The following PGBD5 variants were observed in gnomAD, a reference collection of about 807,000 sequenced individuals.
The protein encoded by PGBD5 is piggyBac transposable element-derived protein 5.
A neutral mutation model predicts 47.9 loss-of-function variants in PGBD5; 14 were observed. The observed-to-expected ratio is 0.29, with a 90% CI of 0.19 to 0.46. The LOEUF is 0.46. Ranked by LOEUF, PGBD5 falls within the 20% of genes least tolerant of loss-of-function variation. The pLI, the probability that PGBD5 is intolerant of heterozygous loss-of-function variation, is 1.00. For synonymous variants in PGBD5, 316 were observed against 306.3 expected, an observed-to-expected ratio of 1.03 and a Z score of -0.33; for missense variants, 635 against 716.0, an observed-to-expected ratio of 0.89 and a Z score of 1.29.
intron 1 of PGBD5, among the ~76,000 whole-genome samples, chr1:230,424,004 C>T (rs116758039): frequency 4.3e-4 from 66 of 152,252 alleles, no homozygotes; most frequent in African/African-American, 1.6e-3. Flanking sequence ...GTGTGCTCAC[C>T]CTTCTCACAT....
chr1:230,416,701 G>A (rs1042116679), intron 1 of PGBD5, among the ~76,000 whole-genome samples: 1 of 152,240 alleles, frequency 6.6e-6, no homozygotes, highest in Non-Finnish European at 1.5e-5. Flanking sequence ...GCTACAAGGT[G>A]ACAATAGAGA....
At chr1:230,413,248 C>T (rs1205738368) in intron 1 of PGBD5, among the ~76,000 whole-genome samples, 1 of 152,132 alleles carries the variant, frequency 6.6e-6, no homozygotes, top group Non-Finnish European at 1.5e-5. Flanking sequence ...CAGGCACAGC[C>T]ATCCACACTC....
chr1:230,337,104 T>G lies in PGBD5; in HGVS notation c.1075+4A>C. 1 of 1,613,178 alleles carries G rather than the reference T, an allele frequency of 6.2e-7. No individual in the cohort carries two copies. The highest frequency in any genetic ancestry group is 8.5e-7 in the Non-Finnish European group (1 of 1,179,312). On this transcript the variant is annotated splice_donor_region_variant and intron_variant, in intron 4 of 6. Transcript: ENST00000391860. ...TATCCTCACTGGCTCCCCACTTGACTAACCTTGCTTCTCAAACTCTTCAAA... is the reference window on the plus strand; with the variant it reads ...TATCCTCACTGGCTCCCCACTTGACGAACCTTGCTTCTCAAACTCTTCAAA...
At chr1:230,402,412 T>C (rs904541524) in intron 1 of PGBD5, among the ~76,000 whole-genome samples, 2 of 152,214 alleles carry the variant, frequency 1.3e-5, no homozygotes, top group Non-Finnish European at 1.5e-5. Flanking sequence ...CTTTTAATGA[T>C]AGCAATAGCA....
In PGBD5 at chr1:230,315,906, ATATG is replaced by A. The variant is rs1666930715; in HGVS notation, c.*7515_*7518del. The A allele has an allele frequency of 6.7e-6, 1 of 149,874 alleles. No homozygotes were observed. The highest frequency in any genetic ancestry group is 2.5e-5 in the African/African-American group (1 of 40,738). The allele number at this position is 149,874 out of a possible 1,614,324, so 9.3% of individuals were successfully genotyped here. A position where few individuals can be genotyped will look rare whatever the true frequency, so the allele number is the denominator to read the frequency against. ...TACATACATATTTATGTGTACACAT[ATATG>A]TATATGTGTATATGTGTACACATAT... On this transcript the variant is annotated 3_prime_UTR_variant, in exon 7 of 7. Coordinates refer to ENST00000391860, the MANE Select transcript of PGBD5 (RefSeq NM_001258311.2).
intron 2 of PGBD5, among the ~76,000 whole-genome samples, chr1:230,356,542 G>T (rs1667648437): frequency 6.6e-6 from 1 of 152,136 alleles, no homozygotes; most frequent in African/African-American, 2.4e-5. Context: ...AACAGGTGAG[G>T]CCACACTCAG....
intron 3 of PGBD5, among the ~76,000 whole-genome samples, chr1:230,341,086 TGA>T (rs1667401525): frequency 1.3e-5 from 2 of 152,128 alleles, no homozygotes; most frequent in African/African-American, 2.4e-5. Flanking sequence ...GTGGCACCAA[TGA>T]GAGTCCAAAG....
intron 1 of PGBD5, among the ~76,000 whole-genome samples, chr1:230,364,273 T>TA (rs1453508407): frequency 6.6e-6 from 1 of 152,234 alleles, no homozygotes; most frequent in African/African-American, 2.4e-5. Context: ...TGAAATAACT[T>TA]ACACCTAATT....
intron 1 of PGBD5, among the ~76,000 whole-genome samples, chr1:230,375,652 CTTTTTTTTTTTTTTTT>C (rs199545872): frequency 9.5e-6 from 1 of 105,660 alleles, no homozygotes. Flanking sequence ...TCCTATTTGA[CTTTTTTTTTTTTTTTT>C]TTTTTTTTTT....
At chr1:230,393,802 G>A (rs1196554562) in intron 1 of PGBD5, among the ~76,000 whole-genome samples, 2 of 146,550 alleles carry the variant, frequency 1.4e-5, no homozygotes, top group East Asian at 2.0e-4. Flanking sequence ...TCCCGCCTGG[G>A]CGACAGAACG....
intron 1 of PGBD5, among the ~76,000 whole-genome samples, chr1:230,416,333 A>C (rs1170823873): frequency 6.6e-6 from 1 of 152,198 alleles, no homozygotes; most frequent in Non-Finnish European, 1.5e-5. Context: ...CAGCTTGTGA[A>C]CATTTTTTAC....
intron 1 of PGBD5, among the ~76,000 whole-genome samples, chr1:230,381,863 C>G (rs910207830): frequency 6.6e-6 from 1 of 152,092 alleles, no homozygotes; most frequent in African/African-American, 2.4e-5. Flanking sequence ...GCTGTGCCCT[C>G]GGGCTACAGT....
chr1:230,347,810 C>G (rs1667498669), intron 3 of PGBD5, among the ~76,000 whole-genome samples: 1 of 152,116 alleles, frequency 6.6e-6, no homozygotes, highest in South Asian at 2.1e-4. Flanking sequence ...CTGATAGGCT[C>G]CTGGGTCAAT....
rs1421569268 is a variant in PGBD5, at chr1:230,317,791, C to G, written c.*5634G>C. On this transcript the variant is annotated 3_prime_UTR_variant, in exon 7 of 7. Coordinates refer to ENST00000391860, the MANE Select transcript of PGBD5 (RefSeq NM_001258311.2). ...TCCTCCCCGCCCTTTCTGTTTTCATCTCCAAATACATGCACACAAGGTCAA... is the reference window on the plus strand; with the variant it reads ...TCCTCCCCGCCCTTTCTGTTTTCATGTCCAAATACATGCACACAAGGTCAA... 1 of 152,268 alleles carries G rather than the reference C, an allele frequency of 6.6e-6. No individual in the cohort carries two copies. The highest frequency in any genetic ancestry group is 1.5e-5 in the Non-Finnish European group (1 of 68,062). 9.4% of individuals were successfully genotyped at this position (152,268 alleles called of 1,614,324 possible).
chr1:230,387,737 T>C (rs1276065589), intron 1 of PGBD5, among the ~76,000 whole-genome samples: 1 of 152,130 alleles, frequency 6.6e-6, no homozygotes, highest in Non-Finnish European at 1.5e-5. Context: ...AGCAGCACCT[T>C]CATCATTACT....
chr1:230,370,898 T>C (rs828442), intron 1 of PGBD5, among the ~76,000 whole-genome samples: 108,746 of 152,156 alleles, frequency 0.71, 39,280 homozygotes, highest in Non-Finnish European at 0.74. Context: ...TTAGATAGAA[T>C]GAAAGCCCTC....
intron 1 of PGBD5, among the ~76,000 whole-genome samples, chr1:230,418,684 CTCTT>C (rs1185154767): frequency 6.6e-6 from 1 of 152,152 alleles, no homozygotes; most frequent in Non-Finnish European, 1.5e-5. Context: ...AAGGTGGGCT[CTCTT>C]TGTGTTTCCC....
chr1:230,394,113 A>G (rs1364726940), intron 1 of PGBD5, among the ~76,000 whole-genome samples: 2 of 151,788 alleles, frequency 1.3e-5, no homozygotes. Flanking sequence ...TCAACAAACC[A>G]TGCCTATTTT....
intron 1 of PGBD5, chr1:230,368,195 A>G: frequency 7.5e-7 from 1 of 1,340,008 alleles, no homozygotes; most frequent in Non-Finnish European, 9.9e-7. Flanking sequence ...GGAGATGGAT[A>G]AAAGCTGAAA....
Sources: gnomAD v4.1 joint callset for allele counts (sites outside exome capture counted in the v4.1 genomes callset) on GRCh38, gnomAD v4.1.1 for gene constraint, MANE v1.5 for transcripts, NCBI Gene and HGNC (gene_info 2026-07-23, HGNC 2026-07-21) for gene names.